Variants in TRIP13 observed in about 807,000 individuals in gnomAD.
TRIP13 encodes the protein thyroid hormone receptor interactor 13.
Under a neutral mutation model 54.4 loss-of-function variants are expected in TRIP13, and 25 were observed. The ratio of observed to expected loss-of-function variants is 0.46; its 90% CI spans 0.33 to 0.64. TRIP13 has a LOEUF of 0.64. Among genes scored for constraint, TRIP13 ranks in the 30% least tolerant of loss-of-function variants. The probability of loss-of-function intolerance (pLI) is 0.02; values close to 1 mark genes in which losing one functional copy is unlikely to be tolerated. For missense variants in TRIP13, 373 were observed against 534.2 expected, an observed-to-expected ratio of 0.70 and a Z score of 2.97; for synonymous variants, 207 against 207.8, an observed-to-expected ratio of 1.00 and a Z score of 0.03.
Position 901,876 on chromosome 5 carries a change from G to A in TRIP13, c.535+445G>A, listed in dbSNP as rs186227519. ...GACCTCAGGTGATCCGCCCGCCTCA[G>A]CCTCCCAAAGTGCTGGGATTACAGG... is the stretch of plus-strand genomic sequence containing the variant. On this transcript the variant is annotated intron_variant, in intron 5 of 12. Coordinates refer to ENST00000166345, the MANE Select transcript of TRIP13 (RefSeq NM_004237.4). Among the ~76,000 whole-genome samples, 322 of 152,318 alleles carry A rather than the reference G, an allele frequency of 2.1e-3. 2 individuals are homozygous for A. Among genetic ancestry groups the A allele is most frequent in the African/African-American group, 7.4e-3 (309 of 41,578 alleles).
At chr5:916,433 C>T (rs1012332039) in intron 12 of TRIP13, among the ~76,000 whole-genome samples, 1 of 152,242 alleles carries the variant, frequency 6.6e-6, no homozygotes, top group African/African-American at 2.4e-5. Flanking sequence ...GACTCAGTGT[C>T]TGGCAGAGCA....
chr5:900,318 A>G (rs1580051327), intron 3 of TRIP13, among the ~76,000 whole-genome samples, 176 bp from the exon 4 acceptor site: 2 of 152,240 alleles, frequency 1.3e-5, no homozygotes, highest in East Asian at 1.9e-4. Context: ...TGATTTTAAT[A>G]AAAATCAAAA....
In TRIP13 at chr5:912,722, C is replaced by T. The variant is rs948943088; in HGVS notation, c.1020+726C>T. The stretch of plus-strand genomic sequence containing the variant: ...GTGAGTGTGCGTGAGTCTGGAACGC[C>T]GTCGCCATGGGCAGTGACGCTGCGG... On this transcript the variant is annotated intron_variant, in intron 10 of 12. Transcript: ENST00000166345. This position sits in a 1 kb window ranked among gnomAD's most constrained non-coding sequence, Gnocchi z 7.2. 2.6e-5 allele frequency among the ~76,000 whole-genome samples: 4 copies of T among 151,858 alleles called. No individual in the cohort carries two copies. Among genetic ancestry groups the T allele is most frequent in the Admixed American group, 6.6e-5 (1 of 15,250 alleles).
rs1177525314 is a variant in TRIP13 at position 907,271 on chromosome 5, C to T, written c.672+78C>T. Reference sequence around the variant, plus strand: ...TCTTGTATGTTAGGCAAATCCTCCTCCAGAAGCTTCAGGAGAGAACTGGGT... The same window carrying T: ...TCTTGTATGTTAGGCAAATCCTCCTTCAGAAGCTTCAGGAGAGAACTGGGT... On this transcript the variant is annotated intron_variant, in intron 7 of 12. Transcript: ENST00000166345. This position sits in a 1 kb window ranked among gnomAD's most constrained non-coding sequence, Gnocchi z 4.1. The T allele has an allele frequency of 7.8e-7, 1 of 1,280,292 alleles. No individual in the cohort carries two copies. Among genetic ancestry groups the T allele is most frequent in the East Asian group, 2.4e-5 (1 of 41,130 alleles). The allele number at this position is 1,280,292 out of a possible 1,614,324, so 79.3% of individuals were successfully genotyped here. A position where few individuals can be genotyped will look rare whatever the true frequency, so the allele number is the denominator to read the frequency against.
chr5:895,043 A>C, intron 2 of TRIP13, 91 bp downstream of exon 2: 1 of 1,373,028 alleles, frequency 7.3e-7, no homozygotes, highest in Non-Finnish European at 9.8e-7. Context: ...GCCTGTTGTC[A>C]GAAACAGGTT....
intron 6 of TRIP13, 127 bp downstream of exon 6, chr5:904,347 C>T (rs915235071): frequency 1.4e-6 from 1 of 727,278 alleles, no homozygotes; most frequent in Non-Finnish European, 2.2e-6. Flanking sequence ...TCACTTGATT[C>T]CTCTGTATTC....
Position 912,143 on chromosome 5 carries a change from A to G in TRIP13, c.1020+147A>G. 1 of 1,105,184 alleles carries G rather than the reference A, an allele frequency of 9.0e-7. No homozygotes were observed. The highest frequency in any genetic ancestry group is 1.3e-6 in the Non-Finnish European group (1 of 794,408). 68.5% of individuals were successfully genotyped at this position (1,105,184 alleles called of 1,614,324 possible). A position where few individuals can be genotyped will look rare whatever the true frequency, so the allele number is the denominator to read the frequency against. ...TTCTTAAATTGAAAACTAGTTTTGT[A>G]TGTGACAGGTTGAGCTGATAGTTGA... is the stretch of plus-strand genomic sequence containing the variant. On this transcript the variant is annotated intron_variant, in intron 10 of 12. Transcript: ENST00000166345. This position sits in a 1 kb window ranked among gnomAD's most constrained non-coding sequence, Gnocchi z 7.2.
chr5:907,036 A>G lies in TRIP13; in HGVS notation c.609-94A>G, dbSNP rs1754129126. The G allele has an allele frequency of 1.0e-6, 1 of 954,266 alleles. No homozygotes were observed. The highest frequency in any genetic ancestry group is 1.9e-5 in the Admixed American group (1 of 53,434). 59.1% of individuals were successfully genotyped at this position (954,266 alleles called of 1,614,324 possible). A position where few individuals can be genotyped will look rare whatever the true frequency, so the allele number is the denominator to read the frequency against. ...AATTGTAATTCCCCCGATGCTGGGC[A>G]CTTGAGATGTTGCATTCAGGACGCG... On this transcript the variant is annotated intron_variant, in intron 6 of 12. Transcript: ENST00000166345. This position sits in a 1 kb window ranked among gnomAD's most constrained non-coding sequence, Gnocchi z 4.1.
chr5:908,536 C>T lies in TRIP13; in HGVS notation c.866+75C>T. The T allele has an allele frequency of 6.3e-7, 1 of 1,591,810 alleles. No homozygotes were observed. The highest frequency in any genetic ancestry group is 8.5e-7 in the Non-Finnish European group (1 of 1,170,824). Reference sequence around the variant, plus strand: ...CCCAAAGAAATGCGTGATACTTGTGCAACCCTAGATCTTAGTGCCCAGCTC... The same window carrying T: ...CCCAAAGAAATGCGTGATACTTGTGTAACCCTAGATCTTAGTGCCCAGCTC... On this transcript the variant is annotated intron_variant, in intron 9 of 12. Transcript: ENST00000166345. The surrounding 1 kb of genome is among the most constrained non-coding windows in gnomAD (Gnocchi z 5.2).
chr5:907,963 C>T lies in TRIP13; in HGVS notation c.673-25C>T. Reference sequence around the variant, plus strand: ...TGGCAGTGTGGTCCCTGCACGTTGACACTAAAAGGGTGTTTGGGTTCCAGA... The same window carrying T: ...TGGCAGTGTGGTCCCTGCACGTTGATACTAAAAGGGTGTTTGGGTTCCAGA... On this transcript the variant is annotated intron_variant, in intron 7 of 12. Coordinates refer to ENST00000166345, the MANE Select transcript of TRIP13 (RefSeq NM_004237.4). This position sits in a 1 kb window ranked among gnomAD's most constrained non-coding sequence, Gnocchi z 4.1. 2 of 1,613,204 alleles carry T rather than the reference C, an allele frequency of 1.2e-6. No individual in the cohort carries two copies. Among genetic ancestry groups the T allele is most frequent in the South Asian group, 2.2e-5 (2 of 91,060 alleles).
chr5:911,562 C>T lies in TRIP13; in HGVS notation c.867-281C>T, dbSNP rs1044728731. On this transcript the variant is annotated intron_variant, in intron 9 of 12. Transcript: ENST00000166345. This position sits in a 1 kb window ranked among gnomAD's most constrained non-coding sequence, Gnocchi z 4.7. Reference sequence around the variant, plus strand: ...CTCCAGCCTGGGCGAAAGAGCGAGACTCTGTCTCAAAAAAAAAAAAAAAGG... The same window carrying T: ...CTCCAGCCTGGGCGAAAGAGCGAGATTCTGTCTCAAAAAAAAAAAAAAAGG... Among the ~76,000 whole-genome samples the T allele has an allele frequency of 6.4e-5, 9 of 139,712 alleles. No homozygotes were observed. Among genetic ancestry groups the T allele is most frequent in the South Asian group, 2.3e-4 (1 of 4,318 alleles). 91.7% of individuals were successfully genotyped at this position (139,712 alleles called of 152,430 possible). A position where few individuals can be genotyped will look rare whatever the true frequency, so the allele number is the denominator to read the frequency against.
chr5:903,230 C>T lies in TRIP13; in HGVS notation c.536-918C>T, dbSNP rs562651263. ...CATTAGACCACGGTCAGCTTGGCAG[C>T]GGGCTTCTTCCCAGACGCTGGCATT... is the stretch of plus-strand genomic sequence containing the variant. On this transcript the variant is annotated intron_variant, in intron 5 of 12. Transcript: ENST00000166345. 3.3e-5 allele frequency among the ~76,000 whole-genome samples: 5 copies of T among 152,176 alleles called. No individual in the cohort carries two copies. The South Asian group carries it at 8.3e-4, about 25-fold the overall frequency.
At chr5:918,139 G>A (rs929573606), downstream of TRIP13, 11 of 152,224 alleles carry the variant, frequency 7.2e-5, no homozygotes, top group Middle Eastern at 3.4e-3. This position sits in a 1 kb window ranked among gnomAD's most constrained non-coding sequence, Gnocchi z 4.3. Context: ...CTGATTTATG[G>A]TGTGGGGACC....
At chr5:914,704 A>G in intron 11 of TRIP13, 127 bp downstream of exon 11, 2 of 721,050 alleles carry the variant, frequency 2.8e-6, no homozygotes, top group Non-Finnish European at 2.4e-6. Context: ...TATAGGTATG[A>G]ACATGCATGT....
At position 907,628 on chromosome 5, in the gene TRIP13, C is replaced by T. The variant is rs1423659668; in HGVS notation, c.673-360C>T. On this transcript the variant is annotated intron_variant, in intron 7 of 12. Coordinates refer to ENST00000166345, the MANE Select transcript of TRIP13 (RefSeq NM_004237.4). This position sits in a 1 kb window ranked among gnomAD's most constrained non-coding sequence, Gnocchi z 4.1. Reference sequence around the variant, plus strand: ...GAGGTGGGACCAGGCACGCTGGGCACAGGAGAGCCTGTGAGGAGTGCATCC... The same window carrying T: ...GAGGTGGGACCAGGCACGCTGGGCATAGGAGAGCCTGTGAGGAGTGCATCC... 1.3e-5 allele frequency among the ~76,000 whole-genome samples: 2 copies of T among 152,236 alleles called. No homozygotes were observed. The highest frequency in any genetic ancestry group is 2.9e-5 in the Non-Finnish European group (2 of 68,042).
intron 12 of TRIP13, among the ~76,000 whole-genome samples, chr5:916,717 A>G (rs1437555401): frequency 6.6e-6 from 1 of 151,960 alleles, no homozygotes; most frequent in Non-Finnish European, 1.5e-5. Context: ...CATCCTTCTC[A>G]GTGTGTGGGT....
rs550623494 is a variant in TRIP13 at position 912,171 on chromosome 5, C to T, written c.1020+175C>T. Among the ~76,000 whole-genome samples, 2 of 152,260 alleles carry T rather than the reference C, an allele frequency of 1.3e-5. No homozygotes were observed. The highest frequency in any genetic ancestry group is 1.3e-4 in the Admixed American group (2 of 15,296). On this transcript the variant is annotated intron_variant, in intron 10 of 12. Transcript: ENST00000166345. The surrounding 1 kb of genome is among the most constrained non-coding windows in gnomAD (Gnocchi z 7.2). Reference sequence around the variant, plus strand: ...TGACAGGTTGAGCTGATAGTTGAAACTAGGGCCACTGACTCAATATTTTTG... The same window carrying T: ...TGACAGGTTGAGCTGATAGTTGAAATTAGGGCCACTGACTCAATATTTTTG...
chr5:900,427 G>A, intron 3 of TRIP13, 67 bp from the exon 4 acceptor site: 1 of 1,530,758 alleles, frequency 6.5e-7, no homozygotes, highest in Admixed American at 1.7e-5. Flanking sequence ...GCTCAGGGGA[G>A]ACTGACTGGG....
In TRIP13 at chr5:912,288, G is replaced by T. The variant is rs1754252195; in HGVS notation, c.1020+292G>T. 6.6e-6 allele frequency among the ~76,000 whole-genome samples: 1 copy of T among 151,708 alleles called. No homozygotes were observed. Among genetic ancestry groups the T allele is most frequent in the East Asian group, 1.9e-4 (1 of 5,160 alleles). On this transcript the variant is annotated intron_variant, in intron 10 of 12. Coordinates refer to ENST00000166345, the MANE Select transcript of TRIP13 (RefSeq NM_004237.4). This position sits in a 1 kb window ranked among gnomAD's most constrained non-coding sequence, Gnocchi z 7.2. ...GTGACCGGCTGTGTTTACCTGGCTG[G>T]CTGCACAAACCTTAGTTCTCAGCTT...
Sources: allele counts gnomAD v4.1 joint callset (sites outside exome capture counted in the v4.1 genomes callset), GRCh38; gene constraint gnomAD v4.1.1; non-coding constraint Gnocchi (gnomAD v3.1); transcripts MANE v1.5; gene names NCBI Gene and HGNC (gene_info 2026-07-23, HGNC 2026-07-21).